Variants in F8 observed in about 807,000 individuals in gnomAD.
F8 encodes antihemophilic factor.
A neutral mutation model predicts 140.6 loss-of-function variants in F8; 12 were observed. The observed-to-expected ratio is 0.09, with a 90% CI of 0.05 to 0.14. The LOEUF (loss-of-function observed/expected upper bound fraction) is 0.14, where lower values mean the gene tolerates loss of function less well. Among genes scored for constraint, F8 ranks in the 10% least tolerant of loss-of-function variants. The pLI is 1.00. For synonymous variants in F8, 585 were observed against 614.6 expected (o/e 0.95, Z 0.71); for missense variants, 1,354 against 1,720.7 (o/e 0.79, Z 3.77).
At chrX:154,876,892 G>C (rs2072820577) in intron 22 of F8, among the ~76,000 whole-genome samples, 1 of 111,656 alleles carries the variant, frequency 9.0e-6, no homozygotes. Context: ...TGAATGTGTA[G>C]TCTGACTCCA....
intron 14 of F8, among the ~76,000 whole-genome samples, chrX:154,915,499 CA>C (rs1557277033): frequency 9.0e-6 from 1 of 111,669 alleles, no homozygotes; most frequent in African/African-American, 3.3e-5. Context: ...TTCCTTTCAT[CA>C]GGGTTTTACA....
At chrX:154,913,914 C>A (rs1361209131) in intron 14 of F8, among the ~76,000 whole-genome samples, 1 of 112,779 alleles carries the variant, frequency 8.9e-6, no homozygotes, top group Non-Finnish European at 1.9e-5. Context: ...CTCACAGCTC[C>A]ACTAGGCAGT....
intron 10 of F8, among the ~76,000 whole-genome samples, chrX:154,959,133 T>C (rs782388861): frequency 3.8e-4 from 42 of 111,644 alleles, no homozygotes; most frequent in Non-Finnish European, 6.2e-4. Context: ...TCCAGCACTT[T>C]GGGAGGCTGA....
chrX:154,844,285 G>A (rs1257562490), intron 25 of F8, among the ~76,000 whole-genome samples: 2 of 111,763 alleles, frequency 1.8e-5, no homozygotes, highest in Admixed American at 9.5e-5. Flanking sequence ...CTCTTTTTTG[G>A]TTCCAAATGA....
At chrX:154,903,180 G>GT (rs372878578) in intron 18 of F8, among the ~76,000 whole-genome samples, 370 of 102,512 alleles carry the variant, frequency 3.6e-3, no homozygotes, top group South Asian at 0.018. Flanking sequence ...AAACTGGATG[G>GT]TTTTTTTTTT....
chrX:154,994,919 T>C (rs2073608599), intron 3 of F8, among the ~76,000 whole-genome samples: 1 of 112,561 alleles, frequency 8.9e-6, no homozygotes, highest in South Asian at 3.7e-4. Flanking sequence ...ATTTCATTTA[T>C]GAGTATTACA....
chrX:154,982,360 T>C (rs1228971829), intron 6 of F8, among the ~76,000 whole-genome samples: 3 of 97,598 alleles, frequency 3.1e-5, no homozygotes, highest in African/African-American at 1.2e-4. Context: ...GGCAGGAGAA[T>C]GGCGTGAACC....
rs2073398988 is a variant in F8, at chrX:154,962,275, G to A, written c.1444-1107C>T. Among the ~76,000 whole-genome samples the A allele has an allele frequency of 4.5e-5, 5 of 111,963 alleles. No homozygotes were observed. In the Admixed American group the frequency reaches 4.7e-4, roughly 11 times the overall value. On this transcript the variant is annotated intron_variant, in intron 9 of 25. Transcript: ENST00000360256. ...TTAGGATTCTTCAGTTGACAATGTAGAGGGCTGACAGTACTTAGGTTTCTC... is the reference window on the plus strand; with the variant it reads ...TTAGGATTCTTCAGTTGACAATGTAAAGGGCTGACAGTACTTAGGTTTCTC...
intron 19 of F8, 52 bp from the exon 20 acceptor site, chrX:154,901,494 T>G: frequency 1.2e-6 from 1 of 827,115 alleles, no homozygotes; most frequent in Non-Finnish European, 1.8e-6. Context: ...AAATTCAGCT[T>G]CTCAAATGTA....
intron 22 of F8, among the ~76,000 whole-genome samples, chrX:154,880,603 G>A (rs1323993726): frequency 1.8e-5 from 2 of 112,056 alleles, no homozygotes; most frequent in African/African-American, 6.5e-5. Flanking sequence ...TTGAGTCTTC[G>A]TATTTCTTAT....
At chrX:154,945,749 A>G (rs782238888) in intron 13 of F8, among the ~76,000 whole-genome samples, 1 of 112,124 alleles carries the variant, frequency 8.9e-6, no homozygotes, top group East Asian at 2.8e-4. Flanking sequence ...AGAACAAGTA[A>G]GCAAGAGAAA....
chrX:154,851,560 G>A (rs2072615223), intron 25 of F8, among the ~76,000 whole-genome samples: 1 of 110,244 alleles, frequency 9.1e-6, no homozygotes, highest in Admixed American at 9.6e-5. Context: ...TTATTTTCCC[G>A]CTTGACATTT....
intron 14 of F8, chrX:154,919,156 AC>A (rs1177314009): frequency 1.6e-4 from 18 of 111,627 alleles, no homozygotes; most frequent in African/African-American, 5.6e-4. Flanking sequence ...ATGACAGCAA[AC>A]CAACTGTGAA....
Position 154,928,926 on chromosome X carries a change from C to T in F8, c.4864G>A (p.Ala1622Thr), listed in dbSNP as rs782273251. Residue 1622 changes from alanine to threonine, a missense_variant, in exon 14 of 26, where the codon GCT becomes ACT. This residue lies in a region of F8 where 658 missense variants were observed against 666.5 expected (regional missense o/e 0.99). Transcript: ENST00000360256. ...GCTATTGCATGATTGCTTTCACAAG[C>T]GTTCAGGGACAAAATGGTATCCTTT... is the stretch of plus-strand genomic sequence containing the variant. ...KKKDTILSLNACESNHAIAAI... is the reference protein window; with the variant it reads ...KKKDTILSLNTCESNHAIAAI... 2.5e-6 allele frequency: 3 copies of T among 1,211,254 alleles called. No homozygotes were observed. The highest frequency in any genetic ancestry group is 3.4e-6 in the Non-Finnish European group (3 of 895,209).
rs782583644 is a variant in F8, at chrX:154,995,650, T to A, written c.388+1323A>T. 4.4e-5 allele frequency among the ~76,000 whole-genome samples: 5 copies of A among 112,459 alleles called. No individual in the cohort carries two copies. The East Asian group carries it at 1.4e-3, about 31-fold the overall frequency. ...ATAGAAATATAATGCAAACCACATA[T>A]GTAATTTTAAATTTTCTGGTAGTCA... On this transcript the variant is annotated intron_variant, in intron 3 of 25. Coordinates refer to ENST00000360256, the MANE Select transcript of F8 (RefSeq NM_000132.4).
intron 22 of F8, among the ~76,000 whole-genome samples, chrX:154,871,195 T>G (rs2072771269): frequency 8.9e-6 from 1 of 112,069 alleles, no homozygotes; most frequent in Non-Finnish European, 1.9e-5. Context: ...TGGAAAACAC[T>G]ACTTTAAACT....
At chrX:154,845,399 T>C (rs1433917094) in intron 25 of F8, among the ~76,000 whole-genome samples, 1 of 112,073 alleles carries the variant, frequency 8.9e-6, no homozygotes, top group Non-Finnish European at 1.9e-5. Context: ...CTGGTAGAAT[T>C]TGAGTGTGAA....
At chrX:154,867,690 C>CAAAAAAAA (rs373471645) in intron 22 of F8, among the ~76,000 whole-genome samples, 5 of 41,810 alleles carry the variant, frequency 1.2e-4, no homozygotes, top group African/African-American at 1.7e-4. Flanking sequence ...GACTCTGTCT[C>CAAAAAAAA]AAAAAAAAAA....
chrX:154,908,253 T>C (rs911718521), intron 14 of F8, among the ~76,000 whole-genome samples: 8 of 112,403 alleles, frequency 7.1e-5, no homozygotes, highest in African/African-American at 2.6e-4. Context: ...CAAGTTTCTA[T>C]ATGTGTTAGA....
Sources: allele counts gnomAD v4.1 joint callset (sites outside exome capture counted in the v4.1 genomes callset), GRCh38; gene constraint gnomAD v4.1.1; regional missense constraint gnomAD v4.1.1; transcripts MANE v1.5; gene names NCBI Gene and HGNC (gene_info 2026-07-23, HGNC 2026-07-21).